The following RNF41 variants were observed in gnomAD, a reference collection of about 807,000 sequenced individuals.
RNF41 encodes ring finger protein 41, also known as E3 ubiquitin-protein ligase NRDP1.
A neutral mutation model predicts 33.0 loss-of-function variants in RNF41; 4 were observed. The ratio of observed to expected loss-of-function variants is 0.12; its 90% confidence interval spans 0.06 to 0.28. The LOEUF (loss-of-function observed/expected upper bound fraction) is 0.28, where lower values mean the gene tolerates loss of function less well. Among genes scored for constraint, RNF41 ranks in the 10% least tolerant of loss-of-function variants. RNF41 has a pLI of 1.00. For synonymous variants in RNF41, 164 were observed against 153.2 expected, an observed-to-expected ratio of 1.07 and a Z score of -0.52; for missense variants, 228 against 432.6, an observed-to-expected ratio of 0.53 and a Z score of 4.19.
chr12:56,210,158 G>A (rs1013037905), intron 4 of RNF41, 139 bp downstream of exon 4: 12 of 824,184 alleles, frequency 1.5e-5, no homozygotes, highest in Non-Finnish European at 2.2e-5. Flanking sequence ...AGATCTTAGA[G>A]CAGGAAGCCA....
chr12:56,214,506 C>T (rs113277689), intron 2 of RNF41, among the ~76,000 whole-genome samples: 4 of 128,774 alleles, frequency 3.1e-5, no homozygotes, highest in Admixed American at 8.8e-5. Flanking sequence ...GGGAACACAG[C>T]GAGCCTCAGT....
Position 56,210,492 on chromosome 12 carries a change from TCCACTGGA to T in RNF41, c.159_166del (p.Cys53Ter). 6.2e-7 allele frequency: 1 copy of T among 1,614,134 alleles called. No homozygotes were observed. The highest frequency in any genetic ancestry group is 8.5e-7 in the Non-Finnish European group (1 of 1,180,026). The stretch of plus-strand genomic sequence containing the variant: ...ATGGGCGACCGTCACAACACTACGG[TCCACTGGA>T]CATGTCTGTTGCTGAGAGAACCACT... On this transcript the variant is annotated stop_gained and frameshift_variant, in exon 4 of 7. Coordinates refer to ENST00000345093, the MANE Select transcript of RNF41 (RefSeq NM_005785.4). LOFTEE classifies it high-confidence loss of function.
At chr12:56,210,168 A>G (rs565237768) in intron 4 of RNF41, 129 bp downstream of exon 4, 1 of 918,564 alleles carries the variant, frequency 1.1e-6, no homozygotes, top group Admixed American at 2.7e-5. Flanking sequence ...GCAGGAAGCC[A>G]AGGAGGCTAA....
In RNF41 at chr12:56,207,651, G is replaced by T. The variant is rs779940450; in HGVS notation, c.597C>A (p.Ile199=). Residue 199 remains isoleucine (I), a synonymous_variant, in exon 6 of 7, where the codon ATC becomes ATA. Coordinates refer to ENST00000345093, the MANE Select transcript of RNF41 (RefSeq NM_005785.4). The part of the protein sequence containing the change: ...NLEETIEYNE[I]LEWVNSLQPA... ...ACGTCCTGAGTGACACTCACTCTAG[G>T]ATCTCGTTGTATTCAATTGTCTCCT... 11 of 1,610,312 alleles carry T rather than the reference G, an allele frequency of 6.8e-6. No homozygotes were observed. Among genetic ancestry groups the T allele is most frequent in the Non-Finnish European group, 9.3e-6 (11 of 1,176,514 alleles).
chr12:56,212,817 G>T (rs1276284191), intron 3 of RNF41, among the ~76,000 whole-genome samples: 1 of 152,134 alleles, frequency 6.6e-6, no homozygotes, highest in African/African-American at 2.4e-5. Flanking sequence ...GCAGTGAATG[G>T]GGGAAGGGCC....
chr12:56,218,707 A>G (rs1046299623), intron 1 of RNF41, among the ~76,000 whole-genome samples: 1 of 148,222 alleles, frequency 6.7e-6, no homozygotes, highest in African/African-American at 2.5e-5. Flanking sequence ...ATATATATAT[A>G]TGTTATTTTT....
rs904625652 is a variant in RNF41, at chr12:56,208,451, C to T, written c.363-153G>A. On this transcript the variant is annotated intron_variant, in intron 4 of 6. Coordinates refer to ENST00000345093, the MANE Select transcript of RNF41 (RefSeq NM_005785.4). ...AGGCCTCCCTCTTGTTTATTCCCTT[C>T]ACTTTCTTCGTCCAAGCTTCCTACT... 4 of 700,426 alleles carry T rather than the reference C, an allele frequency of 5.7e-6. No homozygotes were observed. In the African/African-American group the frequency reaches 7.1e-5, roughly 12 times the overall value. The allele number at this position is 700,426 out of a possible 1,614,324, so 43.4% of individuals were successfully genotyped here.
At chr12:56,212,881 A>G (rs1868580066) in intron 3 of RNF41, 1 of 756,772 alleles carries the variant, frequency 1.3e-6, no homozygotes, top group Non-Finnish European at 2.0e-6. Context: ...ATCTCTAGAT[A>G]GCCAGGAAAG....
In RNF41 at chr12:56,213,970, C is replaced by T. The variant is rs141323045; in HGVS notation, c.78G>A (p.Glu26=). 3.7e-4 allele frequency: 595 copies of T among 1,613,278 alleles called. No homozygotes were observed. Among genetic ancestry groups the T allele is most frequent in the Non-Finnish European group, 4.6e-4 (541 of 1,179,354 alleles). ...CAGACCAACTCACCTGTACTGGCTC[C>T]TCCAAGACTCCACTGCAAATAGGGC... is the stretch of plus-strand genomic sequence containing the variant. ...LICPICSGVL[E]EPVQAPHCEH... Residue 26 remains glutamate, a synonymous_variant, in exon 3 of 7, where the codon GAG becomes GAA. Coordinates refer to ENST00000345093, the MANE Select transcript of RNF41 (RefSeq NM_005785.4).
intron 5 of RNF41, 41 bp downstream of exon 5, chr12:56,208,122 G>T (rs1868309134): frequency 6.2e-7 from 1 of 1,612,930 alleles, no homozygotes; most frequent in East Asian, 2.2e-5. Flanking sequence ...GCAGTTATCT[G>T]CATATGAGGG....
At chr12:56,211,932 A>C (rs969623569) in intron 3 of RNF41, among the ~76,000 whole-genome samples, 4 of 152,070 alleles carry the variant, frequency 2.6e-5, no homozygotes, top group Non-Finnish European at 5.9e-5. Flanking sequence ...AGATCATGCC[A>C]CTGCACTCCA....
In RNF41 at chr12:56,202,904, T is replaced by C. The variant is rs975342941; in HGVS notation, c.*3543A>G. 1.3e-5 allele frequency: 2 copies of C among 152,200 alleles called. No homozygotes were observed. The highest frequency in any genetic ancestry group is 4.8e-5 in the African/African-American group (2 of 41,462). The allele number at this position is 152,200 out of a possible 1,614,324, so 9.4% of individuals were successfully genotyped here. A position where few individuals can be genotyped will look rare whatever the true frequency, so the allele number is the denominator to read the frequency against. Reference sequence around the variant, plus strand: ...ACATTCACAAGAATGAGCAGCAAGTTCTAAAAGTAATTTTAAAGGAGTTTA... The same window carrying C: ...ACATTCACAAGAATGAGCAGCAAGTCCTAAAAGTAATTTTAAAGGAGTTTA... On this transcript the variant is annotated 3_prime_UTR_variant, in exon 7 of 7. Coordinates refer to ENST00000345093, the MANE Select transcript of RNF41 (RefSeq NM_005785.4).
chr12:56,208,725 C>CACACCT (rs1354030533), intron 4 of RNF41, among the ~76,000 whole-genome samples: 15 of 144,768 alleles, frequency 1.0e-4, no homozygotes, highest in South Asian at 8.9e-4. Flanking sequence ...CCACCATGGC[C>CACACCT]GGCTAACTTT....
rs1868387537 is a variant in RNF41, at chr12:56,210,386, A to G, written c.273T>C (p.Ser91=). 7.4e-6 allele frequency: 12 copies of G among 1,614,112 alleles called. No homozygotes were observed. Among genetic ancestry groups the G allele is most frequent in the African/African-American group, 1.3e-5 (1 of 74,946 alleles). ...TGAGGTTGTCAAGCCGGACAACGGCACTACAGCCGAACACAGCGTTGTCAC... is the reference window on the plus strand; with the variant it reads ...TGAGGTTGTCAAGCCGGACAACGGCGCTACAGCCGAACACAGCGTTGTCAC... ...IACDNAVFGC[S]AVVRLDNLMS... Residue 91 remains serine, a synonymous_variant, in exon 4 of 7, where the codon AGT becomes AGC. Transcript: ENST00000345093.
At chr12:56,211,364 T>G (rs776260977) in intron 3 of RNF41, among the ~76,000 whole-genome samples, 3 of 151,646 alleles carry the variant, frequency 2.0e-5, no homozygotes, top group African/African-American at 4.8e-5. Flanking sequence ...TATATATATA[T>G]ATATTCCCTG....
intron 2 of RNF41, among the ~76,000 whole-genome samples, chr12:56,214,774 A>T (rs1302302324): frequency 6.6e-6 from 1 of 152,174 alleles, no homozygotes; most frequent in African/African-American, 2.4e-5. Flanking sequence ...GGCTGCAGTG[A>T]GCCGAGATTG....
intron 3 of RNF41, among the ~76,000 whole-genome samples, chr12:56,210,769 G>A (rs184569677): frequency 6.6e-6 from 1 of 152,224 alleles, no homozygotes; most frequent in African/African-American, 2.4e-5. Flanking sequence ...TGCTGGGCAC[G>A]GTGGCTCATG....
rs1257722417 is a variant in RNF41 at position 56,216,565 on chromosome 12, C to T, written c.-160G>A. 2.0e-5 allele frequency: 3 copies of T among 152,228 alleles called. No homozygotes were observed. In the East Asian group the frequency reaches 5.8e-4, roughly 29 times the overall value. 9.4% of individuals were successfully genotyped at this position (152,228 alleles called of 1,614,324 possible). A position where few individuals can be genotyped will look rare whatever the true frequency, so the allele number is the denominator to read the frequency against. On this transcript the variant is annotated 5_prime_UTR_variant, in exon 2 of 7. Transcript: ENST00000345093. Reference sequence around the variant, plus strand: ...CCGACTGAGTATTCCTTCCCAGTGACAAGCTCCATCGCCCAGGGGATGAAT... The same window carrying T: ...CCGACTGAGTATTCCTTCCCAGTGATAAGCTCCATCGCCCAGGGGATGAAT...
intron 1 of RNF41, among the ~76,000 whole-genome samples, chr12:56,220,705 T>C (rs556987665): frequency 1.4e-3 from 209 of 144,188 alleles, no homozygotes; most frequent in Non-Finnish European, 2.5e-3. Context: ...CACTCCAGCG[T>C]GGGTGACAGA....
Sources: gnomAD v4.1 joint callset for allele counts (sites outside exome capture counted in the v4.1 genomes callset) on GRCh38, gnomAD v4.1.1 for gene constraint, MANE v1.5 for transcripts, NCBI Gene and HGNC (gene_info 2026-07-23, HGNC 2026-07-21) for gene names.